The following KAZN variants were observed in gnomAD, a reference collection of about 807,000 sequenced individuals.
KAZN encodes kazrin, periplakin interacting protein, also known as kazrin.
In KAZN, 40 loss-of-function variants were observed where a neutral mutation model predicts 87.4. That is an observed-to-expected ratio of 0.46 (90% CI 0.36 to 0.60). The LOEUF is 0.60. Ranked by LOEUF, KAZN falls within the 20% of genes least tolerant of loss-of-function variation. The pLI, the probability that KAZN is intolerant of heterozygous loss-of-function variation, is 0.00. For missense variants in KAZN, 898 were observed against 1,073.9 expected (o/e 0.84, Z 2.29); for synonymous variants, 466 against 458.3 (o/e 1.02, Z -0.22).
chr1:14,209,079 C>T (rs1223426962), intron 2 of KAZN, among the ~76,000 whole-genome samples: 2 of 152,340 alleles, frequency 1.3e-5, no homozygotes, highest in Admixed American at 1.3e-4. Context: ...CCCACCACTA[C>T]CCTGCTCTAG....
intron 2 of KAZN, among the ~76,000 whole-genome samples, chr1:14,513,413 A>T (rs1413224431): frequency 6.6e-6 from 1 of 152,184 alleles, no homozygotes; most frequent in Non-Finnish European, 1.5e-5. Context: ...GGCTGGGAAT[A>T]GCAGCCATTT....
chr1:14,093,685 A>G (rs1644060700), intron 1 of KAZN, among the ~76,000 whole-genome samples: 1 of 152,196 alleles, frequency 6.6e-6, no homozygotes, highest in Admixed American at 6.5e-5. Context: ...AACTGACAAT[A>G]GACAGTTTAA....
At chr1:14,465,858 G>T (rs1668096417) in intron 2 of KAZN, among the ~76,000 whole-genome samples, 1 of 151,962 alleles carries the variant, frequency 6.6e-6, no homozygotes, top group African/African-American at 2.4e-5. Flanking sequence ...ATGACATTTT[G>T]GTCAACAACA....
intron 1 of KAZN, among the ~76,000 whole-genome samples, chr1:13,966,286 G>A (rs991882216): frequency 3.9e-5 from 6 of 152,210 alleles, no homozygotes; most frequent in African/African-American, 1.4e-4. Context: ...AGCGATAGGA[G>A]GCAACGAAGA....
At chr1:14,424,942 T>C (rs1013373071) in intron 2 of KAZN, among the ~76,000 whole-genome samples, 1 of 152,234 alleles carries the variant, frequency 6.6e-6, no homozygotes, top group South Asian at 2.1e-4. Flanking sequence ...CTAAATCATC[T>C]TATATTCCTT....
intron 2 of KAZN, among the ~76,000 whole-genome samples, chr1:14,527,326 A>G (rs1183497356): frequency 6.6e-6 from 1 of 152,188 alleles, no homozygotes; most frequent in Non-Finnish European, 1.5e-5. Context: ...TGAGGTAGCC[A>G]GATCACAAGG....
chr1:14,707,897 C>T lies in KAZN; in HGVS notation c.226+108674C>T, dbSNP rs544698709. ...TGCTACATGCCAAGCACTGCACTGG[C>T]TCTGGAAGTGCAGAAAAGAATAAAA... On this transcript the variant is annotated intron_variant, in intron 1 of 14. Transcript: ENST00000376030. Among the ~76,000 whole-genome samples the T allele has an allele frequency of 2.6e-5, 4 of 152,310 alleles. No individual in the cohort carries two copies. In the South Asian group the frequency reaches 8.3e-4, roughly 32 times the overall value.
chr1:14,982,417 A>ATT lies in KAZN; in HGVS notation c.418+21571_418+21572dup, dbSNP rs71000353. Among the ~76,000 whole-genome samples the ATT allele has an allele frequency of 6.9e-3, 445 of 64,842 alleles. 52 individuals carry two copies. The highest frequency in any genetic ancestry group is 0.025 in the African/African-American group (320 of 12,738). 42.5% of individuals were successfully genotyped at this position (64,842 alleles called of 152,430 possible). A position where few individuals can be genotyped will look rare whatever the true frequency, so the allele number is the denominator to read the frequency against. The stretch of plus-strand genomic sequence containing the variant: ...GGGGCCGCTGTTCTCAGCACCTGAG[A>ATT]TTTTTTTTTTTTTTTTTTTTTTTTT... On this transcript the variant is annotated intron_variant, in intron 2 of 14. Transcript: ENST00000376030.
intron 1 of KAZN, among the ~76,000 whole-genome samples, chr1:14,064,422 C>T (rs1366033796): frequency 6.6e-6 from 1 of 152,224 alleles, no homozygotes; most frequent in African/African-American, 2.4e-5. Flanking sequence ...CAGTCCGACA[C>T]CAACCCAGGT....
intron 1 of KAZN, among the ~76,000 whole-genome samples, chr1:13,952,888 T>A (rs2101001692): frequency 6.6e-6 from 1 of 152,316 alleles, no homozygotes; most frequent in East Asian, 1.9e-4. Flanking sequence ...ATGAGGAAAC[T>A]GAACCAGAGT....
chr1:14,560,752 GGAA>G (rs1384636391), intron 2 of KAZN, among the ~76,000 whole-genome samples: 1 of 152,114 alleles, frequency 6.6e-6, no homozygotes, highest in African/African-American at 2.4e-5. Context: ...ATGGGAAAGA[GGAA>G]GAAGGAGTAA....
intron 2 of KAZN, among the ~76,000 whole-genome samples, chr1:14,586,116 TA>T (rs1368373337): frequency 6.6e-6 from 1 of 152,220 alleles, no homozygotes; most frequent in East Asian, 1.9e-4. Flanking sequence ...AGAAGACTTG[TA>T]AAGTTTGATT....
intron 2 of KAZN, among the ~76,000 whole-genome samples, chr1:14,505,979 A>T (rs1670564781): frequency 6.6e-6 from 1 of 152,218 alleles, no homozygotes; most frequent in Non-Finnish European, 1.5e-5. Flanking sequence ...ATCTCAAAAA[A>T]AAAAGTTCTG....
chr1:14,638,809 C>T (rs1572107156), intron 1 of KAZN, among the ~76,000 whole-genome samples: 1 of 152,136 alleles, frequency 6.6e-6, no homozygotes, highest in Non-Finnish European at 1.5e-5. Context: ...CAGACAGCAG[C>T]ACCTCCCCTC....
rs527870843 is a variant in KAZN, at chr1:14,095,330, T to G, written c.92-85105T>G. Among the ~76,000 whole-genome samples the G allele has an allele frequency of 7.2e-5, 11 of 152,368 alleles. No individual in the cohort carries two copies. In the South Asian group the frequency reaches 2.3e-3, roughly 32 times the overall value. On this transcript the variant is annotated intron_variant, in intron 1 of 16. Coordinates refer to the KAZN transcript ENST00000636203. ...TTAAATAGGTTTTCTTCTTACTTTATTCTTTCTTTCTGAGCCTGTATAGGC... is the reference window on the plus strand; with the variant it reads ...TTAAATAGGTTTTCTTCTTACTTTAGTCTTTCTTTCTGAGCCTGTATAGGC...
intron 1 of KAZN, among the ~76,000 whole-genome samples, chr1:14,620,853 G>A (rs955426354): frequency 3.3e-5 from 5 of 152,154 alleles, no homozygotes; most frequent in East Asian, 1.9e-4. Flanking sequence ...CAGAGGTGAC[G>A]CCTTGGAAAT....
At chr1:14,432,952 G>A (rs1235091584) in intron 2 of KAZN, among the ~76,000 whole-genome samples, 1 of 152,022 alleles carries the variant, frequency 6.6e-6, no homozygotes, top group African/African-American at 2.4e-5. Flanking sequence ...ATGTGTGGCT[G>A]TGGCTATGTG....
intron 8 of KAZN, among the ~76,000 whole-genome samples, chr1:15,069,600 C>T (rs938720202): frequency 3.3e-5 from 5 of 152,156 alleles, no homozygotes; most frequent in African/African-American, 1.2e-4. Context: ...GCGCTCCAAC[C>T]TGGGTGACAG....
chr1:14,919,415 G>A (rs1046446364), intron 1 of KAZN, among the ~76,000 whole-genome samples: 5 of 152,208 alleles, frequency 3.3e-5, no homozygotes, highest in African/African-American at 4.8e-5. Flanking sequence ...GACCTCAGGC[G>A]ATCCACCCGC....
Sources: gnomAD v4.1 joint callset for allele counts (sites outside exome capture counted in the v4.1 genomes callset) on GRCh38, gnomAD v4.1.1 for gene constraint, MANE v1.5 for transcripts, NCBI Gene and HGNC (gene_info 2026-07-23, HGNC 2026-07-21) for gene names.